The following ADAMTS9 variants were observed in gnomAD, a reference collection of about 807,000 sequenced individuals.
ADAMTS9 encodes A disintegrin and metalloproteinase with thrombospondin motifs 9.
In ADAMTS9, 107 loss-of-function variants were observed where a neutral mutation model predicts 257.1. The observed-to-expected ratio is 0.42, with a 90% CI of 0.36 to 0.49. ADAMTS9 has a LOEUF of 0.49. Among genes scored for constraint, ADAMTS9 ranks in the 20% least tolerant of loss-of-function variants. The pLI is 0.03. For missense variants in ADAMTS9, 2,353 were observed against 2,469.1 expected, an observed-to-expected ratio of 0.95 and a Z score of 1.00; for synonymous variants, 982 against 880.9, an observed-to-expected ratio of 1.11 and a Z score of -2.03.
chr3:64,647,785 T>C (rs1202049985), intron 11 of ADAMTS9, among the ~76,000 whole-genome samples, 155 bp downstream of exon 11: 5 of 152,238 alleles, frequency 3.3e-5, no homozygotes, highest in African/African-American at 1.2e-4. Flanking sequence ...CAATTTTTAA[T>C]TGTCTAACTT....
intron 28 of ADAMTS9, chr3:64,592,325 T>C (rs951215736): frequency 1.3e-5 from 2 of 152,202 alleles, no homozygotes; most frequent in Non-Finnish European, 2.9e-5. Context: ...CTGTGCATAC[T>C]AGAGCATTAT....
chr3:64,597,398 C>T (rs563451847), intron 26 of ADAMTS9, among the ~76,000 whole-genome samples: 24 of 152,294 alleles, frequency 1.6e-4, no homozygotes, highest in Middle Eastern at 6.8e-3. Context: ...ATTTGATTTT[C>T]CTTTCAACGC....
intron 18 of ADAMTS9, among the ~76,000 whole-genome samples, chr3:64,621,677 G>T (rs374146938): frequency 8.6e-5 from 13 of 151,786 alleles, no homozygotes; most frequent in African/African-American, 3.1e-4. Context: ...CATGAGAATT[G>T]CTTGAACCAG....
At chr3:64,649,019 C>G (rs1009323609) in intron 10 of ADAMTS9, among the ~76,000 whole-genome samples, 5 of 152,138 alleles carry the variant, frequency 3.3e-5, no homozygotes, top group South Asian at 2.1e-4. Context: ...CCCAAAGAGA[C>G]AGAATGGGCC....
intron 32 of ADAMTS9, among the ~76,000 whole-genome samples, 167 bp downstream of exon 32, chr3:64,546,591 T>A (rs956334345): frequency 2.0e-5 from 3 of 152,196 alleles, no homozygotes; most frequent in African/African-American, 7.2e-5. Flanking sequence ...GCCACTTTGG[T>A]AAACAGAAAG....
At chr3:64,570,564 C>T (rs1271248895) in intron 28 of ADAMTS9, among the ~76,000 whole-genome samples, 1 of 151,702 alleles carries the variant, frequency 6.6e-6, no homozygotes, top group African/African-American at 2.4e-5. Flanking sequence ...GAAAGTCACT[C>T]AGGAATGCTT....
rs115073568 is a variant in ADAMTS9 at position 64,669,421 on chromosome 3, A to G, written c.680-10630T>C. On this transcript the variant is annotated intron_variant, in intron 3 of 39. Coordinates refer to ENST00000498707, the MANE Select transcript of ADAMTS9 (RefSeq NM_182920.2). ...GGAAAGAACACAGGACTGGGAAGTA[A>G]GAGGCCTGTGTTCAATTTTGCCATT... Among the ~76,000 whole-genome samples, 280 of 152,266 alleles carry G rather than the reference A, an allele frequency of 1.8e-3. 3 individuals are homozygous for G. Among genetic ancestry groups the G allele is most frequent in the African/African-American group, 6.1e-3 (252 of 41,560 alleles).
At chr3:64,534,839 G>A (rs2083028856) in intron 37 of ADAMTS9, among the ~76,000 whole-genome samples, 1 of 152,124 alleles carries the variant, frequency 6.6e-6, no homozygotes, top group South Asian at 2.1e-4. Context: ...ATGCTGCTGC[G>A]ATGCACAGGA....
At chr3:64,525,879 G>A (rs1358103619) in intron 38 of ADAMTS9, among the ~76,000 whole-genome samples, 6 of 150,700 alleles carry the variant, frequency 4.0e-5, no homozygotes, top group Non-Finnish European at 7.4e-5. Flanking sequence ...GTAAGCCACC[G>A]TGCCCAGCCA....
At position 64,649,628 on chromosome 3, in the gene ADAMTS9, T is replaced by C; in HGVS notation, c.1605+9A>G. On this transcript the variant is annotated intron_variant, in intron 10 of 39. Transcript: ENST00000498707. ...TAGATGAGGGCAGAAGTGGCCCTCC[T>C]ACACTTACCATATATGGGCACACCT... The C allele has an allele frequency of 6.2e-7, 1 of 1,610,670 alleles. No individual in the cohort carries two copies. Among genetic ancestry groups the C allele is most frequent in the East Asian group, 2.2e-5 (1 of 44,778 alleles).
chr3:64,570,627 C>A (rs868014039), intron 28 of ADAMTS9, among the ~76,000 whole-genome samples: 1 of 130,792 alleles, frequency 7.6e-6, no homozygotes, highest in African/African-American at 3.0e-5. Flanking sequence ...ACCCGGGAGG[C>A]AGAGCTTGCA....
Position 64,634,352 on chromosome 3 carries a change from T to C in ADAMTS9, c.1857-473A>G, listed in dbSNP as rs1008556866. Among the ~76,000 whole-genome samples the C allele has an allele frequency of 1.3e-5, 2 of 152,184 alleles. 1 individual carries two copies. The highest frequency in any genetic ancestry group is 4.1e-4 in the South Asian group (2 of 4,826). ...TATTCACAGGAGACCATCATAAACTTGTTCCCTCACACCTCCATTCATTCT... is the reference window on the plus strand; with the variant it reads ...TATTCACAGGAGACCATCATAAACTCGTTCCCTCACACCTCCATTCATTCT... On this transcript the variant is annotated intron_variant, in intron 12 of 39. Coordinates refer to ENST00000498707, the MANE Select transcript of ADAMTS9 (RefSeq NM_182920.2).
At chr3:64,562,505 G>T (rs1048992728) in intron 29 of ADAMTS9, among the ~76,000 whole-genome samples, 2 of 152,148 alleles carry the variant, frequency 1.3e-5, no homozygotes, top group Non-Finnish European at 2.9e-5. Context: ...TTTTTTAATG[G>T]TTTCCTCATT....
chr3:64,579,884 G>A (rs1428158776), intron 28 of ADAMTS9, among the ~76,000 whole-genome samples: 1 of 152,134 alleles, frequency 6.6e-6, no homozygotes, highest in African/African-American at 2.4e-5. Flanking sequence ...TAAATGCACA[G>A]GCGACATCTA....
At chr3:64,654,233 C>T in intron 8 of ADAMTS9, 120 bp downstream of exon 8, 1 of 1,022,004 alleles carries the variant, frequency 9.8e-7, no homozygotes, top group Non-Finnish European at 1.5e-6. Flanking sequence ...AACCCTGCAA[C>T]TCTACTATGA....
chr3:64,533,701 T>A (rs2083011139), intron 37 of ADAMTS9, among the ~76,000 whole-genome samples: 1 of 152,210 alleles, frequency 6.6e-6, no homozygotes, highest in African/African-American at 2.4e-5. Context: ...GGTGCCAAGC[T>A]TCCTGGGCTT....
intron 8 of ADAMTS9, among the ~76,000 whole-genome samples, chr3:64,652,948 T>C (rs1425483044): frequency 2.6e-5 from 4 of 152,190 alleles, no homozygotes; most frequent in Admixed American, 1.3e-4. Flanking sequence ...AAAAATATCA[T>C]ATAAAATTAC....
intron 11 of ADAMTS9, among the ~76,000 whole-genome samples, chr3:64,647,696 T>A (rs1700831850): frequency 6.6e-6 from 1 of 152,248 alleles, no homozygotes; most frequent in Admixed American, 6.5e-5. Flanking sequence ...AGTCTTAAGT[T>A]GACAGAATGT....
At chr3:64,520,495 C>CA (rs1274587266) in intron 39 of ADAMTS9, among the ~76,000 whole-genome samples, 1 of 152,060 alleles carries the variant, frequency 6.6e-6, no homozygotes, top group Admixed American at 6.6e-5. Flanking sequence ...CAATCCTAAG[C>CA]AAAAAGAACG....
Sources: gnomAD v4.1 joint callset for allele counts (sites outside exome capture counted in the v4.1 genomes callset) on GRCh38, gnomAD v4.1.1 for gene constraint, MANE v1.5 for transcripts, NCBI Gene and HGNC (gene_info 2026-07-23, HGNC 2026-07-21) for gene names.